SHANK1: variants seen among roughly 807,000 people sequenced by gnomAD.
SHANK1 encodes the protein SH3 and multiple ankyrin repeat domains protein 1.
In SHANK1, 35 loss-of-function variants were observed where a neutral mutation model predicts 165.6. The ratio of observed to expected loss-of-function variants is 0.21; its 90% confidence interval spans 0.16 to 0.28. SHANK1 has a LOEUF of 0.28. Ranked by LOEUF, SHANK1 falls within the 10% of genes least tolerant of loss-of-function variation. The pLI, the probability that SHANK1 is intolerant of heterozygous loss-of-function variation, is 1.00. For missense variants in SHANK1, 2,681 were observed against 3,036.4 expected (o/e 0.88, Z 2.75); for synonymous variants, 1,428 against 1,384.8 (o/e 1.03, Z -0.69).
At chr19:50,694,808 C>T (rs1385393427) in intron 15 of SHANK1, among the ~76,000 whole-genome samples, 1 of 144,428 alleles carries the variant, frequency 6.9e-6, no homozygotes, top group East Asian at 2.1e-4. Context: ...AGGGGAAAGG[C>T]CCTGGGGCTG....
At position 50,667,721 on chromosome 19, in the gene SHANK1, C is replaced by T. The variant is rs750577; in HGVS notation, c.4239G>A (p.Pro1413=). Reference sequence around the variant, plus strand: ...ACCCCAGCTCCCGGCGCGCAGGGTCCGGCGGGGAGGCCCCCCAGAGACGCA... The same window carrying T: ...ACCCCAGCTCCCGGCGCGCAGGGTCTGGCGGGGAGGCCCCCCAGAGACGCA... ...PVLRLWGASP[P]DPARRELGYR... Residue 1413 remains proline (P), a synonymous_variant, in exon 23 of 24, where the codon CCG becomes CCA. Transcript: ENST00000293441. This position sits in a 1 kb window ranked among gnomAD's most constrained non-coding sequence, Gnocchi z 5.7. 0.048 allele frequency: 57,382 copies of T among 1,203,018 alleles called. 1,340 individuals carry two copies. Among genetic ancestry groups the T allele is most frequent in the African/African-American group, 0.07 (4,086 of 58,608 alleles). The allele number at this position is 1,203,018 out of a possible 1,614,324, so 74.5% of individuals were successfully genotyped here. A position where few individuals can be genotyped will look rare whatever the true frequency, so the allele number is the denominator to read the frequency against.
intron 4 of SHANK1, 49 bp downstream of exon 4, chr19:50,715,610 T>C (rs1308772055): frequency 2.8e-6 from 4 of 1,429,360 alleles, no homozygotes; most frequent in Non-Finnish European, 3.8e-6. Flanking sequence ...GGTAGGGGGC[T>C]CCAGTGGTAG....
intron 22 of SHANK1, among the ~76,000 whole-genome samples, chr19:50,669,673 C>T (rs1254141061): frequency 1.3e-5 from 2 of 151,910 alleles, no homozygotes; most frequent in African/African-American, 4.8e-5. Flanking sequence ...TTTCTTTTCA[C>T]GTATATGCGG....
chr19:50,669,290 G>C lies in SHANK1; in HGVS notation c.2675-5C>G, dbSNP rs1158288564. On this transcript the variant is annotated splice_polypyrimidine_tract_variant and splice_region_variant and intron_variant, in intron 22 of 23. Coordinates refer to ENST00000293441, the MANE Select transcript of SHANK1 (RefSeq NM_016148.5). Reference sequence around the variant, plus strand: ...GTCTGTCATCTTCTGCCGCACCTGGGGAGATACAGAGGCTCAAGGAGGGGG... The same window carrying C: ...GTCTGTCATCTTCTGCCGCACCTGGCGAGATACAGAGGCTCAAGGAGGGGG... 1 of 1,605,652 alleles carries C rather than the reference G, an allele frequency of 6.2e-7. No individual in the cohort carries two copies. The highest frequency in any genetic ancestry group is 1.7e-5 in the Admixed American group (1 of 59,228).
chr19:50,711,564 C>A, intron 7 of SHANK1, 77 bp from the exon 8 acceptor site: 1 of 1,035,748 alleles, frequency 9.7e-7, no homozygotes, highest in Non-Finnish European at 1.4e-6. Context: ...TGTCTATGAC[C>A]TGTGCACTGG....
chr19:50,712,194 G>T (rs1321675646), intron 6 of SHANK1, 80 bp from the exon 7 acceptor site: 4 of 1,441,648 alleles, frequency 2.8e-6, no homozygotes, highest in Middle Eastern at 1.8e-4. Flanking sequence ...GGGCCAGGGG[G>T]ACTGGACCGT....
intron 15 of SHANK1, 135 bp downstream of exon 15, chr19:50,696,961 C>A: frequency 1.3e-6 from 1 of 758,638 alleles, no homozygotes; most frequent in South Asian, 1.6e-5. Context: ...AGATGCGTGT[C>A]ATGCACACCT....
chr19:50,691,034 A>G (rs1234623391), intron 15 of SHANK1, among the ~76,000 whole-genome samples: 4 of 152,048 alleles, frequency 2.6e-5, no homozygotes, highest in African/African-American at 4.8e-5. Context: ...TCACATGTAC[A>G]TACTCCAGCA....
chr19:50,674,614 C>T (rs887845679), intron 21 of SHANK1, among the ~76,000 whole-genome samples: 2 of 152,102 alleles, frequency 1.3e-5, no homozygotes, highest in Non-Finnish European at 2.9e-5. Context: ...GCCTGCAGTG[C>T]CCCCCTAGAG....
At chr19:50,704,392 T>C (rs1472614065) in intron 9 of SHANK1, 45 bp downstream of exon 9, 1 of 1,575,394 alleles carries the variant, frequency 6.3e-7, no homozygotes, top group Admixed American at 1.7e-5. Flanking sequence ...CTGTCACCCT[T>C]TCCTTAGCCC....
At chr19:50,714,588 G>A (rs537006840) in intron 4 of SHANK1, among the ~76,000 whole-genome samples, 6 of 151,764 alleles carry the variant, frequency 4.0e-5, no homozygotes, top group South Asian at 2.1e-4. Context: ...CCAGCTACTC[G>A]GGAGGCTGAG....
chr19:50,692,893 C>T (rs954771306), intron 15 of SHANK1, among the ~76,000 whole-genome samples: 13 of 147,570 alleles, frequency 8.8e-5, no homozygotes, highest in African/African-American at 3.3e-4. Flanking sequence ...CACACCCTAC[C>T]CCCCTTTCCC....
Position 50,703,691 on chromosome 19 carries a change from CG to C in SHANK1, c.1361del (p.Pro454ArgfsTer109). ...CAGGGGCCCCAGAGGACGCGGCCCC[CG>C]GGGCGGAGAACACCATCCAGTCGGG... is the stretch of plus-strand genomic sequence containing the variant. ...ALPDWMVFSA[P>X]GAASSGAPGP... On this transcript the variant is annotated frameshift_variant, in exon 11 of 24. Coordinates refer to ENST00000293441, the MANE Select transcript of SHANK1 (RefSeq NM_016148.5). LOFTEE classifies it high-confidence loss of function. 2.0e-6 allele frequency: 3 copies of C among 1,465,440 alleles called. No individual in the cohort carries two copies. The highest frequency in any genetic ancestry group is 2.5e-5 in the East Asian group (1 of 39,842). The allele number at this position is 1,465,440 out of a possible 1,614,324, so 90.8% of individuals were successfully genotyped here.
At position 50,667,569 on chromosome 19, in the gene SHANK1, G is replaced by A. The variant is rs765878355; in HGVS notation, c.4391C>T (p.Thr1464Met). 158 of 1,448,598 alleles carry A rather than the reference G, an allele frequency of 1.1e-4. No individual in the cohort carries two copies. In the African/African-American group the frequency reaches 2.1e-3, roughly 19 times the overall value. 89.7% of individuals were successfully genotyped at this position (1,448,598 alleles called of 1,614,324 possible). The change falls in exon 23 of 24, where the codon ACG becomes ATG. Residue 1464 changes from threonine (T) to methionine (M), a missense_variant. Around this residue, in one of 10 missense-constraint regions of SHANK1, gnomAD observed 1,713 missense variants for 1,630.2 expected, o/e 1.05. Transcript: ENST00000293441. This position sits in a 1 kb window ranked among gnomAD's most constrained non-coding sequence, Gnocchi z 5.7. ...GVGPLLLQLG[T>M]EPPAPHPGVS... is the part of the protein sequence containing the mutation. ...TCCGGGGTGCGGGGCCGGGGGCTCC[G>A]TCCCCAGCTGCAGCAGGAGGGGCCC... is the stretch of plus-strand genomic sequence containing the variant.
chr19:50,706,955 T>C (rs1421690453), intron 8 of SHANK1, among the ~76,000 whole-genome samples: 1 of 151,924 alleles, frequency 6.6e-6, no homozygotes, highest in Non-Finnish European at 1.5e-5. Context: ...TTTTTGTATT[T>C]TTAGTAGAGA....
At chr19:50,706,846 C>T (rs1250845852) in intron 8 of SHANK1, among the ~76,000 whole-genome samples, 3 of 151,974 alleles carry the variant, frequency 2.0e-5, no homozygotes, top group Admixed American at 6.5e-5. Flanking sequence ...GACACGATCT[C>T]GGCTCACTGC....
intron 18 of SHANK1, 28 bp from the exon 19 acceptor site, chr19:50,687,690 G>GT (rs1986400445): frequency 4.8e-6 from 7 of 1,454,924 alleles, no homozygotes; most frequent in Non-Finnish European, 6.4e-6. Context: ...GGAGGCATCA[G>GT]TATCATGGGG....
chr19:50,659,293 G>C lies in SHANK1; in HGVS notation c.*2672C>G, dbSNP rs1274839406. On this transcript the variant is annotated 3_prime_UTR_variant, in exon 24 of 24. Coordinates refer to ENST00000293441, the MANE Select transcript of SHANK1 (RefSeq NM_016148.5). ...TACTGTGAGTTTAATTATAAAGAAT[G>C]ACCTGGTACAAAAGCCATTTCTCTC... 1.7e-6 allele frequency: 1 copy of C among 591,086 alleles called. No homozygotes were observed. The highest frequency in any genetic ancestry group is 2.5e-6 in the Non-Finnish European group (1 of 401,776). 36.6% of individuals were successfully genotyped at this position (591,086 alleles called of 1,614,324 possible).
In SHANK1 at chr19:50,669,292, A is replaced by T. The variant is rs1985704327; in HGVS notation, c.2675-7T>A. ...CTGTCATCTTCTGCCGCACCTGGGG[A>T]GATACAGAGGCTCAAGGAGGGGGAC... On this transcript the variant is annotated splice_polypyrimidine_tract_variant and splice_region_variant and intron_variant, in intron 22 of 23. Transcript: ENST00000293441. 1 of 1,601,440 alleles carries T rather than the reference A, an allele frequency of 6.2e-7. No homozygotes were observed. The highest frequency in any genetic ancestry group is 1.4e-5 in the African/African-American group (1 of 73,744).
Sources: gnomAD v4.1 joint callset for allele counts (sites outside exome capture counted in the v4.1 genomes callset) on GRCh38, gnomAD v4.1.1 for gene constraint, gnomAD v4.1.1 regional missense constraint, Gnocchi (gnomAD v3.1) non-coding constraint, MANE v1.5 for transcripts, NCBI Gene and HGNC (gene_info 2026-07-23, HGNC 2026-07-21) for gene names.